The following NFXL1 variants were observed in gnomAD, a reference collection of about 807,000 sequenced individuals.
NFXL1 encodes NF-X1-type zinc finger protein NFXL1.
NFXL1 carries 66 observed loss-of-function variants against 123.3 expected under a neutral mutation model. The observed-to-expected ratio is 0.54, with a 90% confidence interval of 0.44 to 0.66. NFXL1 has a LOEUF of 0.66. NFXL1 is among the 30% of genes least tolerant of loss of function. The probability of loss-of-function intolerance (pLI) is 0.00; values close to 1 mark genes in which losing one functional copy is unlikely to be tolerated. For missense variants in NFXL1, 944 were observed against 1,125.6 expected (o/e 0.84, Z 2.31); for synonymous variants, 346 against 360.8 (o/e 0.96, Z 0.46).
At chr4:47,869,587 T>C (rs894243391) in intron 18 of NFXL1, among the ~76,000 whole-genome samples, 6 of 152,156 alleles carry the variant, frequency 3.9e-5, no homozygotes, top group Admixed American at 6.5e-5. Flanking sequence ...TACATGAATA[T>C]ATGGAATATA....
chr4:47,884,370 G>A lies in NFXL1; in HGVS notation c.1892C>T (p.Pro631Leu). Reference sequence around the variant, plus strand: ...CATAGGAATAGGAACTTGACATGGAGGACACGGTAATGCAGTCTGAATAAA... The same window carrying A: ...CATAGGAATAGGAACTTGACATGGAAGACACGGTAATGCAGTCTGAATAAA... ...PAFIQTALPCPPCQVPIPMEC... is the reference protein window; with the variant it reads ...PAFIQTALPCLPCQVPIPMEC... The change falls in exon 15 of 23, where the codon CCT becomes CTT. Residue 631 changes from proline to leucine, a missense_variant. Physicochemically the swap from Pro to Leu is moderately conservative, Grantham distance 98. Coordinates refer to ENST00000507489, the MANE Select transcript of NFXL1 (RefSeq NM_001278624.2). 1 of 1,604,604 alleles carries A rather than the reference G, an allele frequency of 6.2e-7. No individual in the cohort carries two copies. The highest frequency in any genetic ancestry group is 8.5e-7 in the Non-Finnish European group (1 of 1,172,744).
chr4:47,860,574 G>A (rs1014722113), intron 19 of NFXL1, among the ~76,000 whole-genome samples: 2 of 152,142 alleles, frequency 1.3e-5, no homozygotes, highest in African/African-American at 4.8e-5. Flanking sequence ...TGGATACAAA[G>A]ACAAATATGA....
intron 3 of NFXL1, among the ~76,000 whole-genome samples, chr4:47,907,974 C>A (rs1737637635): frequency 6.6e-6 from 1 of 152,208 alleles, no homozygotes; most frequent in African/African-American, 2.4e-5. Context: ...ACTTCCTAAT[C>A]TTAATTCCTT....
intron 5 of NFXL1, among the ~76,000 whole-genome samples, chr4:47,902,134 A>G (rs1284279029): frequency 6.6e-6 from 1 of 152,172 alleles, no homozygotes; most frequent in Non-Finnish European, 1.5e-5. Context: ...GCGAGCCAAG[A>G]GCGCACCACT....
Position 47,903,426 on chromosome 4 carries a change from A to C in NFXL1, c.517-103T>G, listed in dbSNP as rs575085902. On this transcript the variant is annotated intron_variant, in intron 4 of 22. Coordinates refer to ENST00000507489, the MANE Select transcript of NFXL1 (RefSeq NM_001278624.2). ...ACTAAACTATTTTCAAGAGCTACCT[A>C]AGGATTAAAGAAAAAAGGTCTTTCC... 3.0e-4 allele frequency: 201 copies of C among 665,306 alleles called. 1 individual carries two copies. The highest frequency in any genetic ancestry group is 4.0e-4 in the Non-Finnish European group (181 of 454,300). The allele number at this position is 665,306 out of a possible 1,614,324, so 41.2% of individuals were successfully genotyped here. A position where few individuals can be genotyped will look rare whatever the true frequency, so the allele number is the denominator to read the frequency against.
chr4:47,855,359 T>C lies in NFXL1; in HGVS notation c.2317-196A>G, dbSNP rs138564053. ...CACTTATATAATTTAATTATATATA[T>C]ATAATTTAATTATATTTAATTATTC... is the stretch of plus-strand genomic sequence containing the variant. On this transcript the variant is annotated intron_variant, in intron 19 of 22. Transcript: ENST00000507489. 2.4e-3 allele frequency among the ~76,000 whole-genome samples: 358 copies of C among 149,570 alleles called. 2 individuals carry two copies. The highest frequency in any genetic ancestry group is 4.1e-3 in the Admixed American group (62 of 14,982).
chr4:47,862,720 C>A, intron 19 of NFXL1, 126 bp downstream of exon 19: 1 of 716,952 alleles, frequency 1.4e-6, no homozygotes, highest in Non-Finnish European at 2.5e-6. Flanking sequence ...AACTATATGT[C>A]TTACGTGTTT....
At chr4:47,904,334 G>C (rs1440787650) in intron 4 of NFXL1, among the ~76,000 whole-genome samples, 1 of 152,188 alleles carries the variant, frequency 6.6e-6, no homozygotes, top group Non-Finnish European at 1.5e-5. Flanking sequence ...TAACTCCCCA[G>C]TGCTTCTGCA....
In NFXL1 at chr4:47,880,823, A is replaced by C. The variant is rs1296899567; in HGVS notation, c.1917-1706T>G. Among the ~76,000 whole-genome samples, 5 of 151,174 alleles carry C rather than the reference A, an allele frequency of 3.3e-5. No homozygotes were observed. In the East Asian group the frequency reaches 5.8e-4, roughly 17 times the overall value. ...ATTAATGAGTAAAAAAAAAAAAAAA[A>C]AAAAAAACGCAAAAAGGAACAGGAA... On this transcript the variant is annotated intron_variant, in intron 15 of 22. Transcript: ENST00000507489.
At position 47,878,589 on chromosome 4, in the gene NFXL1, T is replaced by C. The variant is rs138616900; in HGVS notation, c.2015A>G (p.Asn672Ser). The stretch of plus-strand genomic sequence containing the variant: ...GTGGCATTCTTTCATACATGTGTGA[T>C]TCTGACAATCCAAGATTCTTCCACA... ...RVCGRILDCQ[N>S]HTCMKECHKV... is the part of the protein sequence containing the mutation. Residue 672 changes from asparagine to serine, a missense_variant, in exon 17 of 23, where the codon AAT becomes AGT. Around this residue, in one of 4 missense-constraint regions of NFXL1, gnomAD observed 301 missense variants for 348.0 expected, o/e 0.86. Transcript: ENST00000507489. The C allele has an allele frequency of 3.7e-5, 59 of 1,609,000 alleles. No homozygotes were observed. In the African/African-American group the frequency reaches 6.7e-4, roughly 18 times the overall value.
In NFXL1 at chr4:47,875,139, T is replaced by C; in HGVS notation, c.2234A>G (p.Tyr745Cys). 6.2e-7 allele frequency: 1 copy of C among 1,607,838 alleles called. No individual in the cohort carries two copies. Among genetic ancestry groups the C allele is most frequent in the Non-Finnish European group, 8.5e-7 (1 of 1,175,082 alleles). ...TCAGTCTACTTACCTACATTCCACATACAGGCTTGTGATCTTACAGTGACA... is the reference window on the plus strand; with the variant it reads ...TCAGTCTACTTACCTACATTCCACACACAGGCTTGTGATCTTACAGTGACA... ...IKCHCKITSL[Y>C]VECRKITTAD... Residue 745 changes from tyrosine to cysteine, a missense_variant, in exon 18 of 23, where the codon TAT becomes TGT. By Grantham distance (194) the Tyr-to-Cys change is radical. Coordinates refer to ENST00000507489, the MANE Select transcript of NFXL1 (RefSeq NM_001278624.2).
chr4:47,875,358 A>C (rs1735682769), intron 17 of NFXL1, 65 bp from the exon 18 acceptor site: 5 of 1,236,904 alleles, frequency 4.0e-6, no homozygotes, highest in Non-Finnish European at 5.6e-6. Context: ...CATATGTTAC[A>C]GTTATAAAAT....
At chr4:47,894,099 A>G in intron 11 of NFXL1, 81 bp downstream of exon 11, 1 of 1,001,486 alleles carries the variant, frequency 1.0e-6, no homozygotes, top group Non-Finnish European at 1.4e-6. Context: ...GAAACAATTC[A>G]AGACAGCACT....
chr4:47,884,491 AT>A, intron 14 of NFXL1, 54 bp from the exon 15 acceptor site: 1 of 1,093,416 alleles, frequency 9.1e-7, no homozygotes, highest in Non-Finnish European at 1.4e-6. Context: ...TCATATGGCC[AT>A]TTTAAGAATC....
At chr4:47,906,017 T>G (rs532366381) in intron 3 of NFXL1, among the ~76,000 whole-genome samples, 1 of 152,298 alleles carries the variant, frequency 6.6e-6, no homozygotes, top group Admixed American at 6.5e-5. Context: ...TTATCTTCAT[T>G]TTACAGATGA....
intron 19 of NFXL1, among the ~76,000 whole-genome samples, chr4:47,860,112 T>C (rs552469466): frequency 1.6e-4 from 24 of 152,124 alleles, no homozygotes; most frequent in Admixed American, 4.6e-4. Flanking sequence ...TCTTAAAAAT[T>C]GCCAAGAGAG....
chr4:47,885,456 C>A (rs779195898), intron 14 of NFXL1, 42 bp downstream of exon 14: 1 of 1,505,012 alleles, frequency 6.6e-7, no homozygotes, highest in South Asian at 1.2e-5. Context: ...AAAGTACAAC[C>A]CACAGCAATG....
chr4:47,857,601 T>C (rs1734487596), intron 19 of NFXL1, among the ~76,000 whole-genome samples: 1 of 152,202 alleles, frequency 6.6e-6, no homozygotes, highest in South Asian at 2.1e-4. Context: ...CTGCCTTCAA[T>C]AAATGTATCT....
rs775170631 is a variant in NFXL1 at position 47,884,453 on chromosome 4, A to G, written c.1825-16T>C. ...TAGGCTGGTGCTACAAATAAAATACATAAGAATTTTAAGTCAGAGGGATTA... is the reference window on the plus strand; with the variant it reads ...TAGGCTGGTGCTACAAATAAAATACGTAAGAATTTTAAGTCAGAGGGATTA... On this transcript the variant is annotated splice_polypyrimidine_tract_variant and intron_variant, in intron 14 of 22. Coordinates refer to ENST00000507489, the MANE Select transcript of NFXL1 (RefSeq NM_001278624.2). 6.0e-6 allele frequency: 9 copies of G among 1,507,894 alleles called. No individual in the cohort carries two copies. Among genetic ancestry groups the G allele is most frequent in the East Asian group, 4.5e-5 (2 of 44,278 alleles). 93.4% of individuals were successfully genotyped at this position (1,507,894 alleles called of 1,614,324 possible).
Sources: allele counts gnomAD v4.1 joint callset (sites outside exome capture counted in the v4.1 genomes callset), GRCh38; gene constraint gnomAD v4.1.1; regional missense constraint gnomAD v4.1.1; transcripts MANE v1.5; gene names NCBI Gene and HGNC (gene_info 2026-07-23, HGNC 2026-07-21).